The following EXOC6B variants were observed in gnomAD, a reference collection of about 807,000 sequenced individuals.
EXOC6B encodes the protein exocyst complex component 6B.
EXOC6B carries 54 observed loss-of-function variants against 113.5 expected under a neutral mutation model. The ratio of observed to expected loss-of-function variants is 0.48; its 90% CI spans 0.38 to 0.60. The LOEUF (loss-of-function observed/expected upper bound fraction) is 0.60. Among genes scored for constraint, EXOC6B ranks in the 20% least tolerant of loss-of-function variants. The pLI is 0.00. For missense variants in EXOC6B, 797 were observed against 977.5 expected, an observed-to-expected ratio of 0.82 and a Z score of 2.46; for synonymous variants, 357 against 339.0, an observed-to-expected ratio of 1.05 and a Z score of -0.58.
chr2:72,406,655 C>T lies in EXOC6B; in HGVS notation c.1981-26785G>A, dbSNP rs554454306. 1.4e-4 allele frequency among the ~76,000 whole-genome samples: 22 copies of T among 152,136 alleles called. 1 individual carries two copies. The highest frequency in any genetic ancestry group is 1.0e-3 in the South Asian group (5 of 4,822). The stretch of plus-strand genomic sequence containing the variant: ...AAATAAAGATGTGCTTTGAAACCAA[C>T]GAAAACAAAGACACAACATACCAGA... On this transcript the variant is annotated intron_variant, in intron 18 of 21. Coordinates refer to ENST00000272427, the MANE Select transcript of EXOC6B (RefSeq NM_015189.3).
At chr2:72,722,780 A>G (rs1447327432) in intron 5 of EXOC6B, among the ~76,000 whole-genome samples, 1 of 152,172 alleles carries the variant, frequency 6.6e-6, no homozygotes, top group African/African-American at 2.4e-5. Context: ...AGATAAACAC[A>G]CTTTGGGGTT....
At chr2:72,313,565 G>A (rs531026359) in intron 20 of EXOC6B, among the ~76,000 whole-genome samples, 1 of 152,092 alleles carries the variant, frequency 6.6e-6, no homozygotes, top group South Asian at 2.1e-4. Flanking sequence ...ACTAGATTCT[G>A]GAGAAAGAAA....
intron 21 of EXOC6B, 81 bp downstream of exon 21, chr2:72,183,994 A>T: frequency 1.3e-6 from 1 of 753,602 alleles, no homozygotes; most frequent in Non-Finnish European, 2.2e-6. Context: ...AGGTATTGGC[A>T]GTGGCAAAAT....
chr2:72,225,127 T>C (rs1446629732), intron 20 of EXOC6B, among the ~76,000 whole-genome samples: 4 of 151,290 alleles, frequency 2.6e-5, no homozygotes, highest in Non-Finnish European at 5.9e-5. Context: ...GCTGGGATTA[T>C]AGGCATGAGG....
At chr2:72,319,852 T>C (rs916274927) in intron 20 of EXOC6B, among the ~76,000 whole-genome samples, 1 of 152,140 alleles carries the variant, frequency 6.6e-6, no homozygotes, top group Non-Finnish European at 1.5e-5. Flanking sequence ...TTTTTTTTTT[T>C]TGAGACGAAG....
intron 6 of EXOC6B, among the ~76,000 whole-genome samples, chr2:72,688,822 T>C (rs1427011142): frequency 6.6e-6 from 1 of 152,210 alleles, no homozygotes; most frequent in Non-Finnish European, 1.5e-5. Flanking sequence ...AGAAAGCTAA[T>C]ACCTAGTAGT....
intron 6 of EXOC6B, among the ~76,000 whole-genome samples, chr2:72,643,744 C>T (rs1268994569): frequency 2.7e-5 from 4 of 145,540 alleles, no homozygotes; most frequent in Non-Finnish European, 6.0e-5. Flanking sequence ...GCACATGTAC[C>T]CTAAAACTTG....
chr2:72,556,351 T>A (rs545461155), intron 8 of EXOC6B, among the ~76,000 whole-genome samples: 1 of 152,246 alleles, frequency 6.6e-6, no homozygotes, highest in East Asian at 1.9e-4. Flanking sequence ...TGGGAAATCA[T>A]TAGACATTCA....
chr2:72,404,288 G>T (rs879927211), intron 18 of EXOC6B, among the ~76,000 whole-genome samples: 13 of 152,200 alleles, frequency 8.5e-5, no homozygotes, highest in Admixed American at 8.5e-4. Context: ...TGGGGGCAGG[G>T]CATAGCAAAA....
At chr2:72,809,823 T>G (rs1223810739) in intron 1 of EXOC6B, among the ~76,000 whole-genome samples, 1 of 152,104 alleles carries the variant, frequency 6.6e-6, no homozygotes, top group Non-Finnish European at 1.5e-5. Context: ...TCTCAACAAT[T>G]GATAGAACTA....
chr2:72,610,864 C>T (rs2104085255), intron 6 of EXOC6B, among the ~76,000 whole-genome samples: 1 of 152,282 alleles, frequency 6.6e-6, no homozygotes, highest in South Asian at 2.1e-4. Flanking sequence ...AGTGAAGAAA[C>T]CTGACAAACA....
At chr2:72,654,682 C>A (rs370746450) in intron 6 of EXOC6B, among the ~76,000 whole-genome samples, 18 of 152,178 alleles carry the variant, frequency 1.2e-4, no homozygotes, top group African/African-American at 3.6e-4. Flanking sequence ...AAACTTTATG[C>A]CAGAGCTATT....
chr2:72,795,548 C>T (rs143655333), intron 1 of EXOC6B, among the ~76,000 whole-genome samples: 1,980 of 152,096 alleles, frequency 0.013, 22 homozygotes, highest in Middle Eastern at 0.02. Context: ...TGCACTCCAG[C>T]CTGGGCAGCA....
Position 72,465,467 on chromosome 2 carries a change from A to C in EXOC6B, c.1801-128T>G, listed in dbSNP as rs183525101. On this transcript the variant is annotated intron_variant, in intron 17 of 21. Transcript: ENST00000272427. Reference sequence around the variant, plus strand: ...TATAACTGGGAATACTGAGCCATACATATCACAGTCTTCTTTAATTTTTTC... The same window carrying C: ...TATAACTGGGAATACTGAGCCATACCTATCACAGTCTTCTTTAATTTTTTC... 3.1e-3 allele frequency: 2,061 copies of C among 673,452 alleles called. 19 individuals are homozygous for C. Among genetic ancestry groups the C allele is most frequent in the Non-Finnish European group, 1.4e-3 (588 of 413,986 alleles). The allele number at this position is 673,452 out of a possible 1,614,324, so 41.7% of individuals were successfully genotyped here. A position where few individuals can be genotyped will look rare whatever the true frequency, so the allele number is the denominator to read the frequency against.
chr2:72,206,248 A>C (rs1209007427), intron 20 of EXOC6B, among the ~76,000 whole-genome samples: 1 of 152,232 alleles, frequency 6.6e-6, no homozygotes, highest in African/African-American at 2.4e-5. Context: ...CAGAATCGGA[A>C]ACCAGGTCTA....
At chr2:72,797,812 AAATT>A (rs201097534) in intron 1 of EXOC6B, among the ~76,000 whole-genome samples, 2,921 of 151,818 alleles carry the variant, frequency 0.019, 51 homozygotes, top group African/African-American at 0.051. Flanking sequence ...CTTCGTCTCA[AAATT>A]AATTAATTAA....
At chr2:72,617,859 T>C (rs1490856757) in intron 6 of EXOC6B, among the ~76,000 whole-genome samples, 1 of 152,086 alleles carries the variant, frequency 6.6e-6, no homozygotes, top group Non-Finnish European at 1.5e-5. Flanking sequence ...TCTCAACAGA[T>C]GGTTCAACAA....
At chr2:72,395,822 T>A (rs1176225241) in intron 18 of EXOC6B, among the ~76,000 whole-genome samples, 2 of 152,126 alleles carry the variant, frequency 1.3e-5, no homozygotes, top group Admixed American at 1.3e-4. Context: ...AGAGACTGTT[T>A]GCAACAAATG....
intron 20 of EXOC6B, among the ~76,000 whole-genome samples, chr2:72,189,860 CTTT>C (rs57679690): frequency 2.5e-4 from 22 of 87,208 alleles, no homozygotes; most frequent in Admixed American, 9.4e-4. Flanking sequence ...CCTTCTTCTT[CTTT>C]TTTTTTTTTT....
Sources: allele counts gnomAD v4.1 joint callset (sites outside exome capture counted in the v4.1 genomes callset), GRCh38; gene constraint gnomAD v4.1.1; transcripts MANE v1.5; gene names NCBI Gene and HGNC (gene_info 2026-07-23, HGNC 2026-07-21).